Variants in CELF2 observed in about 807,000 individuals in gnomAD.
CELF2 encodes the protein CUG triplet repeat RNA-binding protein 2.
Under a neutral mutation model 62.6 loss-of-function variants are expected in CELF2, and 8 were observed. The observed-to-expected ratio is 0.13, with a 90% confidence interval of 0.07 to 0.23. The LOEUF (loss-of-function observed/expected upper bound fraction) is 0.23. Ranked by LOEUF, CELF2 falls within the 10% of genes least tolerant of loss-of-function variation. The pLI is 1.00. For synonymous variants in CELF2, 258 were observed against 250.0 expected, an observed-to-expected ratio of 1.03 and a Z score of -0.30; for missense variants, 333 against 671.0, an observed-to-expected ratio of 0.50 and a Z score of 5.56.
intron 11 of CELF2, among the ~76,000 whole-genome samples, chr10:11,323,303 G>T (rs2095541505): frequency 6.6e-6 from 1 of 151,824 alleles, no homozygotes; most frequent in Non-Finnish European, 1.5e-5. Flanking sequence ...CTCCCACCTT[G>T]TCATAACTCT....
At chr10:10,492,040 C>T in the CELF2 span, among the ~76,000 whole-genome samples, 11 of 152,088 alleles carry the variant, frequency 7.2e-5, no homozygotes, top group Non-Finnish European at 1.3e-4. Flanking sequence ...ATTCTCCATC[C>T]CTTCCCAGTT....
At chr10:10,641,369 A>G in the CELF2 span, among the ~76,000 whole-genome samples, 14 of 152,234 alleles carry the variant, frequency 9.2e-5, no homozygotes, top group African/African-American at 2.4e-4. Flanking sequence ...TTTACTTGGC[A>G]TGGTGTCTAG....
rs2095639476 is a variant in CELF2, at chr10:11,324,857, T to A, written c.1295-979T>A. Among the ~76,000 whole-genome samples, 1 of 152,194 alleles carries A rather than the reference T, an allele frequency of 6.6e-6. No homozygotes were observed. Among genetic ancestry groups the A allele is most frequent in the Non-Finnish European group, 1.5e-5 (1 of 68,024 alleles). ...CTGTTCCTCTCCTGTGAAGGCCAGT[T>A]GAGGATTCCTGACCCGCTGCAGAAG... On this transcript the variant is annotated intron_variant, in intron 11 of 12. Coordinates refer to ENST00000633077, the MANE Select transcript of CELF2 (RefSeq NM_001326342.2). This position sits in a 1 kb window ranked among gnomAD's most constrained non-coding sequence, Gnocchi z 4.7.
chr10:11,105,870 C>T (rs1467252836), intron 1 of CELF2, among the ~76,000 whole-genome samples: 2 of 152,340 alleles, frequency 1.3e-5, no homozygotes, highest in Non-Finnish European at 1.5e-5. Context: ...ACCCCAGTCA[C>T]ACTCCACCTC....
At chr10:10,826,892 A>C (rs1282550430) in intron 1 of CELF2, among the ~76,000 whole-genome samples, 1 of 152,156 alleles carries the variant, frequency 6.6e-6, no homozygotes, top group Non-Finnish European at 1.5e-5. Context: ...TAGAATCCAG[A>C]GATGTGGATG....
chr10:11,017,249 T>C (rs2057376397), upstream of CELF2, among the ~76,000 whole-genome samples: 1 of 152,232 alleles, frequency 6.6e-6, no homozygotes, highest in Non-Finnish European at 1.5e-5. This position sits in a 1 kb window ranked among gnomAD's most constrained non-coding sequence, Gnocchi z 5.5. Flanking sequence ...TTTCTAATTA[T>C]TGTGTTAAAT....
At chr10:11,007,916 G>C (rs1395883618) in intron 1 of CELF2, among the ~76,000 whole-genome samples, 1 of 152,146 alleles carries the variant, frequency 6.6e-6, no homozygotes, top group African/African-American at 2.4e-5. Flanking sequence ...GGTAGTCACA[G>C]TTAGGTACGG....
At chr10:11,245,829 C>G (rs1274772930) in intron 3 of CELF2, among the ~76,000 whole-genome samples, 1 of 152,208 alleles carries the variant, frequency 6.6e-6, no homozygotes, top group East Asian at 1.9e-4. Context: ...GTGAGTGAAG[C>G]ATGCCGTTCT....
intron 3 of CELF2, among the ~76,000 whole-genome samples, chr10:11,229,965 T>C (rs10752216): frequency 0.89 from 135,009 of 152,164 alleles, 60,019 homozygotes; most frequent in South Asian, 0.92. Flanking sequence ...AATGAACCAA[T>C]GTTGACCCCA....
chr10:10,876,022 G>C (rs1053117152), intron 1 of CELF2, among the ~76,000 whole-genome samples: 4 of 152,188 alleles, frequency 2.6e-5, no homozygotes, highest in African/African-American at 9.7e-5. Flanking sequence ...CCATCTGAAA[G>C]CCTTGCATAT....
intron 1 of CELF2, among the ~76,000 whole-genome samples, chr10:11,074,031 G>A (rs1205690105): frequency 2.0e-5 from 3 of 152,200 alleles, no homozygotes; most frequent in Non-Finnish European, 4.4e-5. Flanking sequence ...TCGAGGGTCT[G>A]TAGTTGTTAT....
chr10:11,122,177 G>GT (rs1564829981), intron 1 of CELF2, among the ~76,000 whole-genome samples: 1 of 152,222 alleles, frequency 6.6e-6, no homozygotes, highest in East Asian at 1.9e-4. Flanking sequence ...TTGGAACAGT[G>GT]TTTTTTTGAA....
chr10:10,833,167 T>C (rs2058016579), intron 1 of CELF2, among the ~76,000 whole-genome samples: 2 of 152,208 alleles, frequency 1.3e-5, no homozygotes, highest in Non-Finnish European at 2.9e-5. Context: ...TGATAACGCC[T>C]TGTGTTTACG....
the CELF2 span, among the ~76,000 whole-genome samples, chr10:10,673,077 A>T: frequency 6.6e-6 from 1 of 152,008 alleles, no homozygotes; most frequent in Non-Finnish European, 1.5e-5. Context: ...TGTGTTTCTA[A>T]TTTAAAATTT....
chr10:10,969,815 A>T (rs918904785), intron 2 of CELF2, among the ~76,000 whole-genome samples: 9 of 152,214 alleles, frequency 5.9e-5, no homozygotes, highest in Non-Finnish European at 1.3e-4. Flanking sequence ...TGTCTGTGGC[A>T]ATTAAAGAGA....
the CELF2 span, among the ~76,000 whole-genome samples, chr10:10,508,447 C>A: frequency 6.6e-6 from 1 of 152,216 alleles, no homozygotes. Context: ...TTAAGCCAAA[C>A]AACCTACATC....
the CELF2 span, among the ~76,000 whole-genome samples, chr10:10,760,184 G>A: frequency 2.6e-5 from 4 of 152,174 alleles, no homozygotes; most frequent in African/African-American, 4.8e-5. Context: ...GATTATAGAC[G>A]TGAGCCACTG....
chr10:11,070,533 T>A (rs896369891), intron 1 of CELF2, among the ~76,000 whole-genome samples: 1 of 152,150 alleles, frequency 6.6e-6, no homozygotes, highest in African/African-American at 2.4e-5. Context: ...GGTGAGAAAT[T>A]TCCGGCTGGA....
chr10:10,824,857 G>C (rs1364011307), intron 1 of CELF2, among the ~76,000 whole-genome samples: 1 of 152,104 alleles, frequency 6.6e-6, no homozygotes, highest in Non-Finnish European at 1.5e-5. Flanking sequence ...AGCACTCATC[G>C]ACACCTCTTT....
Sources: allele counts gnomAD v4.1 joint callset (sites outside exome capture counted in the v4.1 genomes callset), GRCh38; gene constraint gnomAD v4.1.1; non-coding constraint Gnocchi (gnomAD v3.1); transcripts MANE v1.5; gene names NCBI Gene and HGNC (gene_info 2026-07-23, HGNC 2026-07-21).